LBR: variants seen among roughly 807,000 people sequenced by gnomAD.
LBR encodes lamin B receptor.
LBR carries 28 observed loss-of-function variants against 74.3 expected under a neutral mutation model. The ratio of observed to expected loss-of-function variants is 0.38; its 90% CI spans 0.28 to 0.52. The LOEUF (loss-of-function observed/expected upper bound fraction) is 0.52. Among genes scored for constraint, LBR ranks in the 20% least tolerant of loss-of-function variants. The probability of loss-of-function intolerance (pLI) is 0.89; values close to 1 mark genes in which losing one functional copy is unlikely to be tolerated. For missense variants in LBR, 717 were observed against 760.3 expected (o/e 0.94, Z 0.67); for synonymous variants, 228 against 269.3 (o/e 0.85, Z 1.50).
At chr1:225,416,597 G>A (rs1302774668) in intron 6 of LBR, among the ~76,000 whole-genome samples, 3 of 152,186 alleles carry the variant, frequency 2.0e-5, no homozygotes, top group Non-Finnish European at 2.9e-5. Flanking sequence ...ATCTATTAAA[G>A]GAGTCTAGTA....
At chr1:225,423,782 AC>A in intron 2 of LBR, 128 bp downstream of exon 2, 1 of 876,996 alleles carries the variant, frequency 1.1e-6, no homozygotes, top group Non-Finnish European at 1.9e-6. Context: ...ACAGTATGTG[AC>A]CCAAAGCAAG....
intron 1 of LBR, among the ~76,000 whole-genome samples, chr1:225,425,354 A>C (rs1223146083): frequency 1.3e-5 from 2 of 152,224 alleles, no homozygotes; most frequent in Non-Finnish European, 2.9e-5. Context: ...GAAAGAAAAC[A>C]CAAGTACTTA....
At chr1:225,403,610 A>T (rs1322222992) in intron 13 of LBR, 147 bp from the exon 14 acceptor site, 2 of 670,882 alleles carry the variant, frequency 3.0e-6, no homozygotes, top group Non-Finnish European at 5.1e-6. Flanking sequence ...ACAAGTCTGT[A>T]AAATCCCACT....
intron 1 of LBR, among the ~76,000 whole-genome samples, chr1:225,424,417 T>C (rs1043140627): frequency 6.6e-6 from 1 of 152,276 alleles, no homozygotes; most frequent in East Asian, 1.9e-4. Context: ...TTTTCTCATT[T>C]GTAAATTTGC....
rs4653634 is a variant in LBR, at chr1:225,403,733, T to C, written c.1688-270A>G. 1 allele frequency among the ~76,000 whole-genome samples: 151,944 copies of C among 152,302 alleles called. 75,794 individuals are homozygous for C. Among genetic ancestry groups the C allele is most frequent in the Non-Finnish European group, 1 (68,042 of 68,042 alleles). ...GTCCTCATAGTTAATACACATCTCTTCATTTCTCGCCCTTCTTCCCCCAGC... is the reference window on the plus strand; with the variant it reads ...GTCCTCATAGTTAATACACATCTCTCCATTTCTCGCCCTTCTTCCCCCAGC... On this transcript the variant is annotated intron_variant, in intron 13 of 13. Coordinates refer to ENST00000272163, the MANE Select transcript of LBR (RefSeq NM_002296.4).
In LBR at chr1:225,411,442, T is replaced by C; in HGVS notation, c.1085-2A>G. 6.2e-7 allele frequency: 1 copy of C among 1,609,328 alleles called. No homozygotes were observed. Among genetic ancestry groups the C allele is most frequent in the Non-Finnish European group, 8.5e-7 (1 of 1,175,594 alleles). ...TGAAGAAATCATAGACAGCATTTCC[T>C]GAGAAAGGAAAAGTGTTTACCCAAA... On this transcript the variant is annotated splice_acceptor_variant, in intron 8 of 13. Coordinates refer to ENST00000272163, the MANE Select transcript of LBR (RefSeq NM_002296.4). LOFTEE classifies it high-confidence loss of function.
rs2096083380 is a variant in LBR, at chr1:225,402,391, T to G, written c.*912A>C. The G allele has an allele frequency of 1.3e-5, 2 of 152,458 alleles. No individual in the cohort carries two copies. The highest frequency in any genetic ancestry group is 4.1e-4 in the South Asian group (2 of 4,832). The allele number at this position is 152,458 out of a possible 1,614,324, so 9.4% of individuals were successfully genotyped here. ...CCAAAAATATATACTTATTCTATTT[T>G]TTTTCTATTTGCAACAGTTTATAAA... On this transcript the variant is annotated 3_prime_UTR_variant, in exon 14 of 14. Transcript: ENST00000272163.
At chr1:225,424,898 A>G (rs979297378) in intron 1 of LBR, among the ~76,000 whole-genome samples, 1 of 152,222 alleles carries the variant, frequency 6.6e-6, no homozygotes, top group Non-Finnish European at 1.5e-5. Flanking sequence ...GCTGCCAGAC[A>G]GTAATGCCGC....
Position 225,403,146 on chromosome 1 carries a change from A to G in LBR, c.*157T>C. On this transcript the variant is annotated 3_prime_UTR_variant, in exon 14 of 14. Coordinates refer to ENST00000272163, the MANE Select transcript of LBR (RefSeq NM_002296.4). ...AATACAAGTAAACACGGCTATATTA[A>G]AAGATCAACTACTCGGCTCCATAGT... 1.5e-6 allele frequency: 1 copy of G among 651,546 alleles called. No homozygotes were observed. Among genetic ancestry groups the G allele is most frequent in the South Asian group, 1.8e-5 (1 of 54,782 alleles). The allele number at this position is 651,546 out of a possible 1,614,324, so 40.4% of individuals were successfully genotyped here.
chr1:225,422,254 C>G lies in LBR; in HGVS notation c.189G>C (p.Arg63Ser). The change falls in exon 3 of 14, where the codon AGG becomes AGC. Residue 63 changes from arginine (R) to serine (S), a missense_variant. Arg to Ser is a moderately radical substitution (Grantham distance 110). Coordinates refer to ENST00000272163, the MANE Select transcript of LBR (RefSeq NM_002296.4). ...GGGAACTGGAAGTTGAGCCACCTTT[C>G]CTTTGCCTAAAGGAAGTTAAAGGCT... ...DIKPLTSFRQ[R>S]KGGSTSSSPS... is the part of the protein sequence containing the mutation. 1.2e-6 allele frequency: 2 copies of G among 1,613,650 alleles called. No homozygotes were observed. Among genetic ancestry groups the G allele is most frequent in the Non-Finnish European group, 1.7e-6 (2 of 1,180,010 alleles).
rs2096108057 is a variant in LBR, at chr1:225,412,538, T to C, written c.1000A>G (p.Thr334Ala). ...SHFLQFALAA[T>A]VFCVVLSVYL... ...ACACTCAAGACCACACAAAAAACAGTGGCCGCAAGTGCAAACTGAAGAAAA... is the reference window on the plus strand; with the variant it reads ...ACACTCAAGACCACACAAAAAACAGCGGCCGCAAGTGCAAACTGAAGAAAA... The change falls in exon 8 of 14, where the codon ACT becomes GCT. Residue 334 changes from threonine (T) to alanine (A), a missense_variant. By Grantham distance (58) the Thr-to-Ala change is moderately conservative. Transcript: ENST00000272163. 6.2e-7 allele frequency: 1 copy of C among 1,613,532 alleles called. No individual in the cohort carries two copies. Among genetic ancestry groups the C allele is most frequent in the South Asian group, 1.1e-5 (1 of 91,076 alleles).
Position 225,421,827 on chromosome 1 carries a change from T to C in LBR, c.366+250A>G, listed in dbSNP as rs113986452. 2.0e-3 allele frequency among the ~76,000 whole-genome samples: 298 copies of C among 152,344 alleles called. 1 individual carries two copies. The highest frequency in any genetic ancestry group is 6.8e-3 in the African/African-American group (283 of 41,576). ...CAGTTCAATCTACAAGCTACATCTA[T>C]TTCAAATTTGAACGCTGCTTTTTTA... On this transcript the variant is annotated intron_variant, in intron 3 of 13. Transcript: ENST00000272163.
chr1:225,422,751 G>A (rs922879951), intron 2 of LBR, among the ~76,000 whole-genome samples: 5 of 152,164 alleles, frequency 3.3e-5, no homozygotes, highest in East Asian at 3.9e-4. Context: ...CACCTACTCC[G>A]AATCTCCTTA....
At chr1:225,422,556 A>G (rs573656512) in intron 2 of LBR, 1 of 426,904 alleles carries the variant, frequency 2.3e-6, no homozygotes, top group East Asian at 4.7e-5. Context: ...ACTTATTTCC[A>G]ACACCATATG....
Position 225,412,434 on chromosome 1 carries a change from T to C in LBR, c.1084+20A>G, listed in dbSNP as rs934796772. The C allele has an allele frequency of 6.2e-7, 1 of 1,612,648 alleles. No homozygotes were observed. Among genetic ancestry groups the C allele is most frequent in the African/African-American group, 1.3e-5 (1 of 74,876 alleles). On this transcript the variant is annotated intron_variant, in intron 8 of 13. Coordinates refer to ENST00000272163, the MANE Select transcript of LBR (RefSeq NM_002296.4). The stretch of plus-strand genomic sequence containing the variant: ...GGCTCTGGGACGCATTCATCCAACA[T>C]GCAATTCATCACTGCTCACCAGAGC...
intron 7 of LBR, 55 bp downstream of exon 7, chr1:225,415,223 C>T (rs1048825046): frequency 1.4e-5 from 16 of 1,165,150 alleles, no homozygotes; most frequent in Middle Eastern, 1.9e-4. Flanking sequence ...GAGTTTAACA[C>T]TTAGAAGTTT....
Position 225,403,591 on chromosome 1 carries a change from A to C in LBR, c.1688-128T>G. On this transcript the variant is annotated intron_variant, in intron 13 of 13. Coordinates refer to ENST00000272163, the MANE Select transcript of LBR (RefSeq NM_002296.4). ...CTTCATTTTCTCTAATAATGATGAG[A>C]ATAATTAAACAAGTCTGTAAAATCC... 7 of 727,522 alleles carry C rather than the reference A, an allele frequency of 9.6e-6. No individual in the cohort carries two copies. The South Asian group carries it at 1.0e-4, about 11-fold the overall frequency. The allele number at this position is 727,522 out of a possible 1,614,324, so 45.1% of individuals were successfully genotyped here. A position where few individuals can be genotyped will look rare whatever the true frequency, so the allele number is the denominator to read the frequency against.
chr1:225,422,795 C>T (rs2096130413), intron 2 of LBR, among the ~76,000 whole-genome samples: 1 of 152,216 alleles, frequency 6.6e-6, no homozygotes, highest in South Asian at 2.1e-4. Flanking sequence ...AATTACGCCC[C>T]AGGCCAAGTC....
upstream of LBR, among the ~76,000 whole-genome samples, chr1:225,428,523 G>C (rs992458395): frequency 6.6e-6 from 1 of 152,174 alleles, no homozygotes; most frequent in Admixed American, 6.5e-5. Context: ...AAAACACTAT[G>C]AGTGCCCTCC....
Sources: allele counts gnomAD v4.1 joint callset (sites outside exome capture counted in the v4.1 genomes callset), GRCh38; gene constraint gnomAD v4.1.1; transcripts MANE v1.5; gene names NCBI Gene and HGNC (gene_info 2026-07-23, HGNC 2026-07-21).